The following ASZ1 variants were observed in gnomAD, a reference collection of about 807,000 sequenced individuals.
The protein encoded by ASZ1 is ankyrin repeat, SAM and basic leucine zipper domain containing 1, also known as ankyrin repeat, SAM and basic leucine zipper domain-containing protein 1.
Under a neutral mutation model 61.8 loss-of-function variants are expected in ASZ1, and 67 were observed. The ratio of observed to expected loss-of-function variants is 1.08; its 90% CI spans 0.89 to 1.33. The LOEUF is 1.33. ASZ1 is among the 40% of genes most tolerant of loss of function. The pLI, the probability that ASZ1 is intolerant of heterozygous loss-of-function variation, is 0.00. For synonymous variants in ASZ1, 193 were observed against 192.7 expected, an observed-to-expected ratio of 1.00 and a Z score of -0.01; for missense variants, 577 against 554.5, an observed-to-expected ratio of 1.04 and a Z score of -0.41.
chr7:117,386,749 G>A (rs575807853), intron 4 of ASZ1, among the ~76,000 whole-genome samples: 2 of 152,116 alleles, frequency 1.3e-5, no homozygotes, highest in African/African-American at 2.4e-5. Context: ...TCTCTGTAAG[G>A]TTTGTTAGCA....
intron 12 of ASZ1, 32 bp from the exon 13 acceptor site, chr7:117,363,780 GT>G: frequency 6.6e-7 from 1 of 1,510,122 alleles, no homozygotes; most frequent in Middle Eastern, 1.8e-4. Flanking sequence ...GAAAAGAGGA[GT>G]TACTGTACAA....
chr7:117,424,120 A>G (rs1321122385), intron 2 of ASZ1, among the ~76,000 whole-genome samples: 2 of 152,208 alleles, frequency 1.3e-5, no homozygotes, highest in African/African-American at 4.8e-5. Context: ...TCAACTATAG[A>G]AAAGTAGTTA....
chr7:117,426,060 A>G, intron 2 of ASZ1, among the ~76,000 whole-genome samples: 1 of 152,194 alleles, frequency 6.6e-6, no homozygotes, highest in East Asian at 1.9e-4. Flanking sequence ...CCAAGAAACC[A>G]GAGTGGGCAA....
chr7:117,386,818 T>C (rs1261264820), intron 4 of ASZ1, among the ~76,000 whole-genome samples: 2 of 152,146 alleles, frequency 1.3e-5, no homozygotes, highest in East Asian at 3.8e-4. Context: ...GCACAATTCA[T>C]ATATATCTGT....
At chr7:117,376,165 A>G (rs1203467902) in intron 10 of ASZ1, among the ~76,000 whole-genome samples, 1 of 152,156 alleles carries the variant, frequency 6.6e-6, no homozygotes, top group Non-Finnish European at 1.5e-5. Context: ...GTAGCTGGAA[A>G]TACTAGGGGC....
chr7:117,412,108 A>G (rs973251970), intron 4 of ASZ1, among the ~76,000 whole-genome samples: 3 of 149,086 alleles, frequency 2.0e-5, no homozygotes, highest in Non-Finnish European at 4.5e-5. Flanking sequence ...TTGTATGAAA[A>G]TGTGTATTTT....
intron 4 of ASZ1, among the ~76,000 whole-genome samples, chr7:117,415,808 C>A (rs1446580199): frequency 6.6e-6 from 1 of 152,182 alleles, no homozygotes; most frequent in Non-Finnish European, 1.5e-5. Context: ...GTTTAGTACA[C>A]ATACACAAAT....
chr7:117,422,744 G>C (rs944152150), intron 2 of ASZ1, among the ~76,000 whole-genome samples: 4 of 152,088 alleles, frequency 2.6e-5, no homozygotes, highest in Non-Finnish European at 5.9e-5. Flanking sequence ...CTCTATGGTT[G>C]AAAATACCAC....
chr7:117,396,383 C>T (rs1287868167), intron 4 of ASZ1, among the ~76,000 whole-genome samples: 1 of 152,200 alleles, frequency 6.6e-6, no homozygotes, highest in Non-Finnish European at 1.5e-5. Flanking sequence ...GCAAATGCTG[C>T]TAGCTTCTCC....
chr7:117,379,377 T>C (rs1405604737), intron 10 of ASZ1, among the ~76,000 whole-genome samples: 1 of 151,464 alleles, frequency 6.6e-6, no homozygotes, highest in Non-Finnish European at 1.5e-5. Flanking sequence ...TTCAAAAAAT[T>C]TTTAAAAATC....
In ASZ1 at chr7:117,426,847, A is replaced by C; in HGVS notation, c.194T>G (p.Leu65Arg). The change falls in exon 2 of 13, where the codon CTC becomes CGC. Residue 65 changes from leucine to arginine, a missense_variant. By Grantham distance (102) the Leu-to-Arg change is moderately radical. Transcript: ENST00000284629. The part of the protein sequence containing the change: ...TIGDVSLVQE[L>R]LDSGISVDSN... The stretch of plus-strand genomic sequence containing the variant: ...CCCTTATCTCTCACCAGAATCTAGG[A>C]GCTCCTGGACCAATGAAACATCTCC... 1 of 1,601,258 alleles carries C rather than the reference A, an allele frequency of 6.2e-7. No homozygotes were observed. The highest frequency in any genetic ancestry group is 8.5e-7 in the Non-Finnish European group (1 of 1,176,910).
intron 4 of ASZ1, among the ~76,000 whole-genome samples, chr7:117,409,741 G>A (rs995183085): frequency 1.3e-5 from 2 of 151,740 alleles, no homozygotes; most frequent in African/African-American, 2.4e-5. Flanking sequence ...TTTTTATTAT[G>A]TGAAAGAAGA....
intron 7 of ASZ1, 109 bp from the exon 8 acceptor site, chr7:117,382,253 A>T: frequency 1.4e-6 from 1 of 722,704 alleles, no homozygotes; most frequent in Admixed American, 2.5e-5. Context: ...TTCATGTAGA[A>T]TATATTTGCA....
chr7:117,427,416 G>C lies in ASZ1; in HGVS notation c.45C>G (p.Gly15=), dbSNP rs765813685. The C allele has an allele frequency of 1.1e-4, 177 of 1,613,442 alleles. No homozygotes were observed. The highest frequency in any genetic ancestry group is 1.4e-4 in the Non-Finnish European group (164 of 1,179,934). ...ALRGLPVAGG[G]ESSESEDDGW... ...CATCATCCTCGCTCTCGCTACTCTC[G>C]CCTCCGCCAGCCACTGGCAGGCCTC... The change falls in exon 1 of 13, where the codon GGC becomes GGG. Residue 15 remains glycine, a synonymous_variant. Coordinates refer to ENST00000284629, the MANE Select transcript of ASZ1 (RefSeq NM_130768.3).
chr7:117,380,958 C>T, intron 9 of ASZ1, 53 bp downstream of exon 9: 1 of 1,460,708 alleles, frequency 6.8e-7, no homozygotes, highest in Non-Finnish European at 9.4e-7. Flanking sequence ...AAAGGATCCA[C>T]AATTTTAAAA....
intron 4 of ASZ1, among the ~76,000 whole-genome samples, chr7:117,397,534 G>A (rs79921602): frequency 0.021 from 3,196 of 152,268 alleles, 113 homozygotes; most frequent in African/African-American, 0.073. Context: ...AAGTACTGTT[G>A]GAGATAGTGT....
chr7:117,397,521 C>G (rs922506398), intron 4 of ASZ1, among the ~76,000 whole-genome samples: 1 of 152,176 alleles, frequency 6.6e-6, no homozygotes, highest in Non-Finnish European at 1.5e-5. Flanking sequence ...TGTATGTCCT[C>G]TCAAGTACTG....
chr7:117,414,956 T>C (rs1409877644), intron 4 of ASZ1, among the ~76,000 whole-genome samples: 2 of 152,186 alleles, frequency 1.3e-5, no homozygotes, highest in Non-Finnish European at 2.9e-5. Flanking sequence ...TGTGCACATG[T>C]CTTTATAGCA....
intron 9 of ASZ1, among the ~76,000 whole-genome samples, chr7:117,380,588 G>A (rs574423042): frequency 5.3e-5 from 8 of 151,216 alleles, no homozygotes; most frequent in East Asian, 1.9e-4. Context: ...AATACATCCC[G>A]CAGCTATATG....
Sources: gnomAD v4.1 joint callset for allele counts (sites outside exome capture counted in the v4.1 genomes callset) on GRCh38, gnomAD v4.1.1 for gene constraint, MANE v1.5 for transcripts, NCBI Gene and HGNC (gene_info 2026-07-23, HGNC 2026-07-21) for gene names.